ACSBG1: variants seen among roughly 807,000 people sequenced by gnomAD.
ACSBG1 encodes the protein acyl-CoA synthetase bubblegum family member 1, also known as long-chain-fatty-acid--CoA ligase ACSBG1.
In ACSBG1, 39 loss-of-function variants were observed where a neutral mutation model predicts 80.2. That is an observed-to-expected ratio of 0.49 (90% CI 0.38 to 0.64). The LOEUF (loss-of-function observed/expected upper bound fraction) is 0.64. ACSBG1 is among the 30% of genes least tolerant of loss of function. ACSBG1 has a pLI of 0.00. For missense variants in ACSBG1, 828 were observed against 966.4 expected, an observed-to-expected ratio of 0.86 and a Z score of 1.90; for synonymous variants, 392 against 379.5, an observed-to-expected ratio of 1.03 and a Z score of -0.38.
intron 2 of ACSBG1, among the ~76,000 whole-genome samples, chr15:78,196,427 C>T (rs1419456169): frequency 6.6e-6 from 1 of 152,172 alleles, no homozygotes. Flanking sequence ...ACCTAACAAA[C>T]CATTCTCTCA....
chr15:78,168,984 C>T lies in ACSBG1; in HGVS notation c.*2460G>A. On this transcript the variant is annotated 3_prime_UTR_variant, in exon 14 of 14. Coordinates refer to ENST00000258873, the MANE Select transcript of ACSBG1 (RefSeq NM_015162.5). ...CAGACTTCACAGAGGAAATCTGTCG[C>T]CGAGTAAAAGATTTAGATTAACACT... 1 of 1,599,512 alleles carries T rather than the reference C, an allele frequency of 6.3e-7. No individual in the cohort carries two copies. Among genetic ancestry groups the T allele is most frequent in the Non-Finnish European group, 8.6e-7 (1 of 1,167,854 alleles).
chr15:78,206,928 C>G (rs2075221265), intron 2 of ACSBG1, among the ~76,000 whole-genome samples: 1 of 152,192 alleles, frequency 6.6e-6, no homozygotes, highest in Admixed American at 6.5e-5. Flanking sequence ...TGCCATCACT[C>G]ATACTCAGGA....
intron 1 of ACSBG1, among the ~76,000 whole-genome samples, chr15:78,212,264 T>C (rs1485685775): frequency 1.3e-5 from 2 of 152,178 alleles, no homozygotes; most frequent in South Asian, 2.1e-4. Context: ...GGTTCCTCTC[T>C]GGCCCTCGGT....
intron 1 of ACSBG1, among the ~76,000 whole-genome samples, chr15:78,213,188 G>A (rs56287085): frequency 0.071 from 10,843 of 152,282 alleles, 954 homozygotes; most frequent in African/African-American, 0.2. Context: ...ACACAGGCCT[G>A]TGCACAGCCT....
At chr15:78,223,711 G>A (rs62011382) in intron 1 of ACSBG1, among the ~76,000 whole-genome samples, 26,482 of 152,216 alleles carry the variant, frequency 0.17, 2,579 homozygotes, top group Middle Eastern at 0.23. Context: ...CAAATGGAAA[G>A]CTGTTAAAAT....
At chr15:78,225,574 T>C (rs2075394215) in intron 1 of ACSBG1, among the ~76,000 whole-genome samples, 1 of 152,142 alleles carries the variant, frequency 6.6e-6, no homozygotes, top group Non-Finnish European at 1.5e-5. Context: ...AAGACCTCAA[T>C]TAATGGAAAT....
intron 3 of ACSBG1, 45 bp downstream of exon 3, chr15:78,194,461 C>A: frequency 1.3e-6 from 2 of 1,589,016 alleles, no homozygotes; most frequent in South Asian, 2.2e-5. Flanking sequence ...AGCTGGGAGG[C>A]ACATCTGGGG....
chr15:78,213,099 G>A (rs1264844581), intron 1 of ACSBG1, among the ~76,000 whole-genome samples: 2 of 152,196 alleles, frequency 1.3e-5, no homozygotes, highest in African/African-American at 4.8e-5. Flanking sequence ...CATGGAAGGT[G>A]TTGCCTAACT....
intron 1 of ACSBG1, chr15:78,226,726 T>C (rs1463903317): frequency 2.0e-5 from 3 of 150,024 alleles, no homozygotes; most frequent in African/African-American, 7.4e-5. Context: ...ACAAATGTGG[T>C]AAATTTTTGA....
At chr15:78,194,054 G>T in intron 3 of ACSBG1, 34 bp from the exon 4 acceptor site, 2 of 1,606,788 alleles carry the variant, frequency 1.2e-6, no homozygotes, top group East Asian at 2.2e-5. Context: ...CAGGTCAGCC[G>T]GGCAGGGACT....
At chr15:78,220,572 G>T (rs1404831306) in intron 1 of ACSBG1, among the ~76,000 whole-genome samples, 1 of 152,106 alleles carries the variant, frequency 6.6e-6, no homozygotes, top group African/African-American at 2.4e-5. Flanking sequence ...TCATACATGT[G>T]ATAAGGAAAT....
At chr15:78,179,826 C>CAT (rs1329328057) in intron 9 of ACSBG1, 46 bp from the exon 10 acceptor site, 1 of 1,287,500 alleles carries the variant, frequency 7.8e-7, no homozygotes, top group Admixed American at 1.9e-5. Flanking sequence ...CACACACACA[C>CAT]ACACACACAC....
At chr15:78,194,436 G>A in intron 3 of ACSBG1, 70 bp downstream of exon 3, 1 of 1,449,150 alleles carries the variant, frequency 6.9e-7, no homozygotes, top group South Asian at 1.2e-5. Flanking sequence ...TGGAGAGGAG[G>A]CCTGTGAGGC....
intron 1 of ACSBG1, among the ~76,000 whole-genome samples, chr15:78,215,157 T>G (rs1017518891): frequency 6.6e-6 from 1 of 152,140 alleles, no homozygotes; most frequent in Non-Finnish European, 1.5e-5. Context: ...CAGAAAGGAA[T>G]TCAGACCTCT....
rs550395623 is a variant in ACSBG1 at position 78,233,234 on chromosome 15, G to C, written c.131+1137C>G. ...TTGCAGGGAAGAGTCCCTGCTTCTGGAAGAACAGGAGTCCACTTTGGATTA... is the reference window on the plus strand; with the variant it reads ...TTGCAGGGAAGAGTCCCTGCTTCTGCAAGAACAGGAGTCCACTTTGGATTA... On this transcript the variant is annotated intron_variant, in intron 1 of 13. Transcript: ENST00000258873. 2.6e-5 allele frequency among the ~76,000 whole-genome samples: 4 copies of C among 152,326 alleles called. No individual in the cohort carries two copies. The South Asian group carries it at 8.3e-4, about 32-fold the overall frequency.
intron 8 of ACSBG1, 104 bp downstream of exon 8, chr15:78,181,865 T>C: frequency 1.4e-6 from 2 of 1,410,536 alleles, no homozygotes; most frequent in Non-Finnish European, 1.9e-6. Flanking sequence ...GACTGATACA[T>C]GCACAGGAAC....
chr15:78,194,736 G>A lies in ACSBG1; in HGVS notation c.233-10C>T, dbSNP rs186417652. 3 of 1,609,680 alleles carry A rather than the reference G, an allele frequency of 1.9e-6. No homozygotes were observed. The highest frequency in any genetic ancestry group is 8.5e-7 in the Non-Finnish European group (1 of 1,178,922). On this transcript the variant is annotated splice_polypyrimidine_tract_variant and intron_variant, in intron 2 of 13. Transcript: ENST00000258873. ...GTCCACAGCGCCTCCTCTGTGGGGT[G>A]GGGGAGACCACAGCTTGGATCATGC...
At chr15:78,211,560 C>T (rs2075267620) in intron 1 of ACSBG1, among the ~76,000 whole-genome samples, 1 of 152,246 alleles carries the variant, frequency 6.6e-6, no homozygotes, top group Non-Finnish European at 1.5e-5. Context: ...CATCGCCTTG[C>T]TCTCCTTTCA....
At chr15:78,207,954 A>AAC in intron 2 of ACSBG1, 48 bp downstream of exon 2, 1 of 730,998 alleles carries the variant, frequency 1.4e-6, no homozygotes, top group Non-Finnish European at 2.3e-6. Context: ...CACCCAGCAC[A>AAC]GCACAGTTTC....
Sources: gnomAD v4.1 joint callset for allele counts (sites outside exome capture counted in the v4.1 genomes callset) on GRCh38, gnomAD v4.1.1 for gene constraint, MANE v1.5 for transcripts, NCBI Gene and HGNC (gene_info 2026-07-23, HGNC 2026-07-21) for gene names.